CLSTN2: variants seen among roughly 807,000 people sequenced by gnomAD.
CLSTN2 encodes the protein calsyntenin 2, also known as calsyntenin-2.
Under a neutral mutation model 101.2 loss-of-function variants are expected in CLSTN2, and 48 were observed. That is an observed-to-expected ratio of 0.47 (90% CI 0.38 to 0.60). CLSTN2 has a LOEUF of 0.60. Among genes scored for constraint, CLSTN2 ranks in the 20% least tolerant of loss-of-function variants. The pLI, the probability that CLSTN2 is intolerant of heterozygous loss-of-function variation, is 0.00. For synonymous variants in CLSTN2, 481 were observed against 463.6 expected, an observed-to-expected ratio of 1.04 and a Z score of -0.48; for missense variants, 1,160 against 1,238.2, an observed-to-expected ratio of 0.94 and a Z score of 0.95.
At chr3:139,945,017 A>C (rs1560050083) in intron 1 of CLSTN2, among the ~76,000 whole-genome samples, 1 of 152,192 alleles carries the variant, frequency 6.6e-6, no homozygotes, top group African/African-American at 2.4e-5. Flanking sequence ...TAATTGGCTA[A>C]CATTTGACTT....
chr3:139,982,866 T>A (rs1454673668), intron 1 of CLSTN2, among the ~76,000 whole-genome samples: 1 of 152,008 alleles, frequency 6.6e-6, no homozygotes, highest in African/African-American at 2.4e-5. Flanking sequence ...TAGTTCAGAC[T>A]ATATATAGAG....
At chr3:140,441,773 T>C (rs1233469904) in intron 5 of CLSTN2, among the ~76,000 whole-genome samples, 1 of 151,846 alleles carries the variant, frequency 6.6e-6, no homozygotes, top group Non-Finnish European at 1.5e-5. Context: ...CCTTGAAGAG[T>C]CTGTTTCTGA....
chr3:140,515,128 T>C (rs1243100448), intron 8 of CLSTN2, among the ~76,000 whole-genome samples: 1 of 152,178 alleles, frequency 6.6e-6, no homozygotes, highest in Non-Finnish European at 1.5e-5. Flanking sequence ...CAGGAATTTA[T>C]TCCTCTCCTC....
chr3:140,019,409 CT>C (rs1487807641), intron 1 of CLSTN2, among the ~76,000 whole-genome samples: 1 of 152,208 alleles, frequency 6.6e-6, no homozygotes, highest in Admixed American at 6.5e-5. Context: ...GGCCTGTGAA[CT>C]TCAACTGCAA....
Position 140,558,830 on chromosome 3 carries a change from G to A in CLSTN2, c.2014G>A (p.Glu672Lys), listed in dbSNP as rs372613467. The A allele has an allele frequency of 2.0e-5, 32 of 1,613,808 alleles. No individual in the cohort carries two copies. In the East Asian group the frequency reaches 2.5e-4, roughly 12 times the overall value. The change falls in exon 12 of 17, where the codon GAA becomes AAA. Residue 672 changes from glutamate to lysine, a missense_variant. Physicochemically the swap from Glu to Lys is moderately conservative, Grantham distance 56 (BLOSUM62 1). Transcript: ENST00000458420. The part of the protein sequence containing the change: ...IKIVSTFAKT[E>K]APGDVKTTDP... ...GATTGTGAGCACCTTCGCCAAAACC[G>A]AAGCCCCCGGGGACGTGAAAACCAC... is the stretch of plus-strand genomic sequence containing the variant.
At chr3:140,320,316 C>G (rs1450050448) in intron 2 of CLSTN2, among the ~76,000 whole-genome samples, 1 of 151,974 alleles carries the variant, frequency 6.6e-6, no homozygotes, top group Non-Finnish European at 1.5e-5. Context: ...GGCACTGGGT[C>G]AAGGAAAGTT....
intron 1 of CLSTN2, among the ~76,000 whole-genome samples, chr3:140,077,213 A>G (rs945489672): frequency 4.6e-5 from 7 of 152,162 alleles, no homozygotes; most frequent in African/African-American, 1.7e-4. Context: ...TTAGACATCC[A>G]TATGTAAATT....
At chr3:139,944,920 T>C (rs1935192443) in intron 1 of CLSTN2, among the ~76,000 whole-genome samples, 1 of 152,230 alleles carries the variant, frequency 6.6e-6, no homozygotes. Flanking sequence ...CACCTTGAAA[T>C]GTATTAAACA....
intron 1 of CLSTN2, among the ~76,000 whole-genome samples, chr3:140,113,485 G>A (rs1287775405): frequency 2.0e-5 from 3 of 152,192 alleles, no homozygotes; most frequent in East Asian, 1.9e-4. Context: ...TCAGGCCTGT[G>A]CCCTTCCCAA....
intron 2 of CLSTN2, among the ~76,000 whole-genome samples, chr3:140,280,856 A>AC (rs1430089617): frequency 9.0e-4 from 137 of 152,304 alleles, no homozygotes; most frequent in African/African-American, 3.2e-3. Flanking sequence ...TTGTAAAATA[A>AC]GGACTTTTGT....
intron 2 of CLSTN2, among the ~76,000 whole-genome samples, chr3:140,196,652 C>T (rs2010647055): frequency 1.3e-5 from 2 of 152,112 alleles, no homozygotes; most frequent in African/African-American, 4.8e-5. Context: ...CATAAACATC[C>T]ACAGTGGGGG....
At chr3:140,239,700 C>T (rs566608621) in intron 2 of CLSTN2, among the ~76,000 whole-genome samples, 5 of 152,188 alleles carry the variant, frequency 3.3e-5, no homozygotes, top group Middle Eastern at 3.4e-3. Context: ...AGGACTTTCT[C>T]CAAGTGCTAA....
intron 8 of CLSTN2, among the ~76,000 whole-genome samples, chr3:140,527,149 A>T (rs1935160472): frequency 6.6e-6 from 1 of 152,220 alleles, no homozygotes; most frequent in Non-Finnish European, 1.5e-5. Context: ...TAAACAGCCT[A>T]CAGGATGGGA....
chr3:139,944,974 G>A (rs1425015092), intron 1 of CLSTN2, among the ~76,000 whole-genome samples: 2 of 152,208 alleles, frequency 1.3e-5, no homozygotes, highest in African/African-American at 4.8e-5. Flanking sequence ...CAGAAAGGCT[G>A]TCGGTGTTTT....
chr3:140,506,985 T>C (rs1178398729), intron 8 of CLSTN2: 1 of 152,216 alleles, frequency 6.6e-6, no homozygotes. Flanking sequence ...CATGTGTGTC[T>C]TGAATATGTG....
intron 16 of CLSTN2, 112 bp from the exon 17 acceptor site, chr3:140,565,940 GA>G: frequency 7.5e-7 from 1 of 1,332,828 alleles, no homozygotes; most frequent in East Asian, 2.5e-5. Flanking sequence ...TGCACTAAAA[GA>G]AGAAATTCCA....
chr3:139,960,624 T>C (rs780871953), intron 1 of CLSTN2, among the ~76,000 whole-genome samples: 1 of 152,202 alleles, frequency 6.6e-6, no homozygotes, highest in Non-Finnish European at 1.5e-5. Flanking sequence ...CCTTCCATCA[T>C]TTTAGCTGTT....
chr3:140,100,069 G>T (rs530767427), intron 1 of CLSTN2, among the ~76,000 whole-genome samples: 1 of 151,568 alleles, frequency 6.6e-6, no homozygotes, highest in Non-Finnish European at 1.5e-5. Flanking sequence ...TCTATTTATC[G>T]TAGAAACTCT....
chr3:140,348,714 A>G (rs879764435), intron 2 of CLSTN2, among the ~76,000 whole-genome samples: 2 of 152,234 alleles, frequency 1.3e-5, no homozygotes, highest in Non-Finnish European at 2.9e-5. Flanking sequence ...ATCACACCAC[A>G]TATGTAATAG....
Sources: allele counts gnomAD v4.1 joint callset (sites outside exome capture counted in the v4.1 genomes callset), GRCh38; gene constraint gnomAD v4.1.1; transcripts MANE v1.5; gene names NCBI Gene and HGNC (gene_info 2026-07-23, HGNC 2026-07-21).